ZNF462: variants seen among roughly 807,000 people sequenced by gnomAD.
The protein encoded by ZNF462 is zinc finger protein 462, also known as zinc finger PBX1-interacting protein.
Under a neutral mutation model 201.9 loss-of-function variants are expected in ZNF462, and 10 were observed. The ratio of observed to expected loss-of-function variants is 0.05; its 90% CI spans 0.03 to 0.08. The LOEUF is 0.08. Ranked by LOEUF, ZNF462 falls within the 10% of genes least tolerant of loss-of-function variation. The pLI, the probability that ZNF462 is intolerant of heterozygous loss-of-function variation, is 1.00. For missense variants in ZNF462, 2,523 were observed against 3,168.3 expected (o/e 0.80, Z 4.89); for synonymous variants, 1,227 against 1,193.3 (o/e 1.03, Z -0.58).
intron 7 of ZNF462, among the ~76,000 whole-genome samples, chr9:106,945,017 A>G (rs1252292810): frequency 6.6e-6 from 1 of 152,182 alleles, no homozygotes; most frequent in African/African-American, 2.4e-5. Flanking sequence ...AGGCCCATGA[A>G]TGATACTTCA....
At chr9:106,863,525 G>A (rs1051271548) in intron 1 of ZNF462, among the ~76,000 whole-genome samples, 170 bp downstream of exon 1, 5 of 150,354 alleles carry the variant, frequency 3.3e-5, no homozygotes, top group Non-Finnish European at 7.4e-5. Flanking sequence ...AGGAGAAGAA[G>A]CGAGAGAGAA....
At chr9:106,911,467 C>G (rs935327016) in intron 1 of ZNF462, among the ~76,000 whole-genome samples, 1 of 152,104 alleles carries the variant, frequency 6.6e-6, no homozygotes, top group African/African-American at 2.4e-5. Context: ...CTCAGAATCA[C>G]CCTGAGAATA....
chr9:106,877,338 C>A (rs2130893604), intron 1 of ZNF462, among the ~76,000 whole-genome samples: 2 of 135,254 alleles, frequency 1.5e-5, no homozygotes, highest in African/African-American at 2.8e-5. Context: ...TGGGAAATTT[C>A]CAGAGAAATA....
rs1164628038 is a variant in ZNF462, at chr9:107,006,808, T to C, written c.7190-2737T>C. 6.6e-6 allele frequency among the ~76,000 whole-genome samples: 1 copy of C among 152,170 alleles called. No homozygotes were observed. Among genetic ancestry groups the C allele is most frequent in the Non-Finnish European group, 1.5e-5 (1 of 68,022 alleles). On this transcript the variant is annotated intron_variant, in intron 11 of 12. Transcript: ENST00000277225. The surrounding 1 kb of genome is among the most constrained non-coding windows in gnomAD (Gnocchi z 4.3). The stretch of plus-strand genomic sequence containing the variant: ...ACTACCCTTTCAAAAACCCTGTGCC[T>C]GTATTAACCTGAAAAATACATGGAC...
Position 106,938,829 on chromosome 9 carries a change from T to G in ZNF462, c.6236-87T>G. ...TTGAGATGCGCTTCTCTAGCATGAG[T>G]TAACTGAGTTATCTTGTTTCCACCC... On this transcript the variant is annotated intron_variant, in intron 6 of 12. Transcript: ENST00000277225. The surrounding 1 kb of genome is among the most constrained non-coding windows in gnomAD (Gnocchi z 4.4). 1 of 1,362,282 alleles carries G rather than the reference T, an allele frequency of 7.3e-7. No individual in the cohort carries two copies. Among genetic ancestry groups the G allele is most frequent in the Non-Finnish European group, 1.0e-6 (1 of 1,004,770 alleles). 84.4% of individuals were successfully genotyped at this position (1,362,282 alleles called of 1,614,324 possible).
At chr9:106,943,059 C>CGCGCGCGCGCGCGTGTGT (rs374167214) in intron 7 of ZNF462, among the ~76,000 whole-genome samples, 7 of 143,154 alleles carry the variant, frequency 4.9e-5, no homozygotes, top group Admixed American at 2.1e-4. Flanking sequence ...TTTGCGCGCG[C>CGCGCGCGCGCGCGTGTGT]GTGTGTGTGT....
Position 106,883,532 on chromosome 9 carries a change from C to T in ZNF462, c.-31+20177C>T, listed in dbSNP as rs1286621177. On this transcript the variant is annotated intron_variant, in intron 1 of 12. Coordinates refer to ENST00000277225, the MANE Select transcript of ZNF462 (RefSeq NM_021224.6). This position sits in a 1 kb window ranked among gnomAD's most constrained non-coding sequence, Gnocchi z 4.9. ...CAGAATACCGTATACATAAGGCCTG[C>T]GTCATTAGTTCATTTTTCAGTGAAT... Among the ~76,000 whole-genome samples, 3 of 152,076 alleles carry T rather than the reference C, an allele frequency of 2.0e-5. No homozygotes were observed. The highest frequency in any genetic ancestry group is 4.4e-5 in the Non-Finnish European group (3 of 68,020).
chr9:106,860,935 CTCCTT>C (rs749466121), upstream of ZNF462, among the ~76,000 whole-genome samples: 4 of 151,902 alleles, frequency 2.6e-5, no homozygotes, highest in Non-Finnish European at 4.4e-5. The surrounding 1 kb of genome is among the most constrained non-coding windows in gnomAD (Gnocchi z 7.1). Flanking sequence ...CTCCTCCTCT[CTCCTT>C]TCTTCTTTCT....
At chr9:106,957,764 C>G (rs1007118541) in intron 7 of ZNF462, among the ~76,000 whole-genome samples, 1 of 152,066 alleles carries the variant, frequency 6.6e-6, no homozygotes, top group Non-Finnish European at 1.5e-5. Context: ...AAATGCAGAT[C>G]TAGAAATATT....
At chr9:106,973,231 AATC>A (rs1826728548) in intron 8 of ZNF462, among the ~76,000 whole-genome samples, 1 of 152,102 alleles carries the variant, frequency 6.6e-6, no homozygotes, top group African/African-American at 2.4e-5. Flanking sequence ...TTCCTATTGT[AATC>A]AGGATCTGAG....
At position 107,002,733 on chromosome 9, in the gene ZNF462, CACTA is replaced by C. The variant is rs1204199954; in HGVS notation, c.7057-558_7057-555del. Among the ~76,000 whole-genome samples, 14 of 152,292 alleles carry C rather than the reference CACTA, an allele frequency of 9.2e-5. 1 individual carries two copies. The South Asian group carries it at 2.7e-3, about 29-fold the overall frequency. On this transcript the variant is annotated intron_variant, in intron 10 of 12. Transcript: ENST00000277225. ...TGGTCAGCTTCAAAAACAGTAGTAA[CACTA>C]ACAGTAATAATATTATCTTCCATTT...
At chr9:106,936,367 G>A (rs1830632381) in intron 6 of ZNF462, among the ~76,000 whole-genome samples, 1 of 152,152 alleles carries the variant, frequency 6.6e-6, no homozygotes, top group African/African-American at 2.4e-5. Context: ...TATAACCCTT[G>A]GTCACAGTTT....
chr9:106,990,609 T>G (rs1379991599), intron 10 of ZNF462, among the ~76,000 whole-genome samples: 1 of 152,050 alleles, frequency 6.6e-6, no homozygotes. Context: ...TGCCATATTA[T>G]GTTCTTTAAT....
At chr9:106,918,933 T>G in intron 1 of ZNF462, among the ~76,000 whole-genome samples, 1 of 152,190 alleles carries the variant, frequency 6.6e-6, no homozygotes, top group Middle Eastern at 3.2e-3. Flanking sequence ...ACTGGGAAGT[T>G]TAGTGTCTTA....
chr9:106,980,015 T>C (rs1827302249), intron 9 of ZNF462, among the ~76,000 whole-genome samples: 1 of 152,206 alleles, frequency 6.6e-6, no homozygotes, highest in African/African-American at 2.4e-5. Flanking sequence ...CAGTGTCATT[T>C]TTCTTGAGAA....
chr9:106,866,581 T>C (rs1046645396), intron 1 of ZNF462, among the ~76,000 whole-genome samples: 1 of 152,170 alleles, frequency 6.6e-6, no homozygotes, highest in African/African-American at 2.4e-5. Context: ...TTCTGTTAGA[T>C]CTCTGCTCCT....
rs1246997158 is a variant in ZNF462, at chr9:106,970,887, TA to T, written c.6428-1117del. On this transcript the variant is annotated intron_variant, in intron 7 of 12. Coordinates refer to ENST00000277225, the MANE Select transcript of ZNF462 (RefSeq NM_021224.6). This position sits in a 1 kb window ranked among gnomAD's most constrained non-coding sequence, Gnocchi z 4.2. ...CGCTGAGATTTCCCCTCCTCCCTCC[TA>T]GATCAGATTTCTCCACCGCATGCCA... Among the ~76,000 whole-genome samples the T allele has an allele frequency of 6.6e-6, 1 of 151,988 alleles. No individual in the cohort carries two copies. Among genetic ancestry groups the T allele is most frequent in the Non-Finnish European group, 1.5e-5 (1 of 67,998 alleles).
chr9:106,915,201 GTT>G (rs1373676014), intron 1 of ZNF462, among the ~76,000 whole-genome samples: 1 of 139,478 alleles, frequency 7.2e-6, no homozygotes, highest in African/African-American at 2.6e-5. Context: ...ATTTCTGTAT[GTT>G]TTTTTTTTTT....
chr9:106,892,242 T>C (rs1828610325), intron 1 of ZNF462, among the ~76,000 whole-genome samples: 3 of 152,182 alleles, frequency 2.0e-5, no homozygotes, highest in Admixed American at 6.5e-5. Context: ...GAATGTTCCC[T>C]CTGAGGTCCT....
Sources: allele counts gnomAD v4.1 joint callset (sites outside exome capture counted in the v4.1 genomes callset), GRCh38; gene constraint gnomAD v4.1.1; non-coding constraint Gnocchi (gnomAD v3.1); transcripts MANE v1.5; gene names NCBI Gene and HGNC (gene_info 2026-07-23, HGNC 2026-07-21).